The following PIBF1 variants were observed in gnomAD, a reference collection of about 807,000 sequenced individuals.
The protein encoded by PIBF1 is progesterone-induced-blocking factor 1.
In PIBF1, 90 loss-of-function variants were observed where a neutral mutation model predicts 112.5. The ratio of observed to expected loss-of-function variants is 0.80; its 90% CI spans 0.67 to 0.95. PIBF1 has a LOEUF of 0.95. PIBF1 is among the 40% of genes least tolerant of loss of function. The pLI is 0.00. For synonymous variants in PIBF1, 301 were observed against 288.6 expected, an observed-to-expected ratio of 1.04 and a Z score of -0.44; for missense variants, 915 against 852.3, an observed-to-expected ratio of 1.07 and a Z score of -0.92.
At chr13:72,952,845 G>C (rs1009236406) in intron 14 of PIBF1, among the ~76,000 whole-genome samples, 8 of 150,548 alleles carry the variant, frequency 5.3e-5, no homozygotes, top group African/African-American at 2.0e-4. Context: ...GAATGGCAGA[G>C]GTCTCATGAA....
intron 14 of PIBF1, among the ~76,000 whole-genome samples, chr13:72,959,693 C>T (rs1000391323): frequency 3.3e-5 from 5 of 152,238 alleles, no homozygotes; most frequent in Admixed American, 3.3e-4. Flanking sequence ...ATTTTAGATT[C>T]TCATCTAAGT....
At chr13:72,912,667 G>A (rs960701744) in intron 12 of PIBF1, among the ~76,000 whole-genome samples, 2 of 152,134 alleles carry the variant, frequency 1.3e-5, no homozygotes, top group African/African-American at 4.8e-5. Context: ...AATGTTCATA[G>A]GAAATGTATT....
At chr13:72,994,879 TG>T (rs1319567869) in intron 16 of PIBF1, among the ~76,000 whole-genome samples, 3 of 152,212 alleles carry the variant, frequency 2.0e-5, no homozygotes, top group Non-Finnish European at 4.4e-5. Context: ...GTTTGTGAAT[TG>T]GGATCTCATG....
chr13:72,831,382 G>T (rs769468288), intron 8 of PIBF1, among the ~76,000 whole-genome samples: 7 of 152,076 alleles, frequency 4.6e-5, no homozygotes, highest in Non-Finnish European at 8.8e-5. Context: ...GATCTTTCCT[G>T]ACTTCTCTTG....
At chr13:72,988,716 A>G (rs1261579113) in intron 16 of PIBF1, among the ~76,000 whole-genome samples, 2 of 152,170 alleles carry the variant, frequency 1.3e-5, no homozygotes, top group Non-Finnish European at 2.9e-5. Flanking sequence ...TTATCTGTTA[A>G]AAATTCCCAC....
At chr13:72,996,096 G>C (rs920063236) in intron 16 of PIBF1, among the ~76,000 whole-genome samples, 2 of 115,362 alleles carry the variant, frequency 1.7e-5, no homozygotes, top group African/African-American at 6.4e-5. Context: ...GCGGGGGGGG[G>C]GGGTCATAAA....
Position 72,996,266 on chromosome 13 carries a change from A to AT in PIBF1, c.2050-2554dup, listed in dbSNP as rs200223889. ...TCAACTGAAAAAAAACCTTCAATAT[A>AT]TTAAAAAAAAAAAAAAACTGCTCAA... On this transcript the variant is annotated intron_variant, in intron 16 of 17. Coordinates refer to ENST00000326291, the MANE Select transcript of PIBF1 (RefSeq NM_006346.4). Among the ~76,000 whole-genome samples, 1,059 of 139,158 alleles carry AT rather than the reference A, an allele frequency of 7.6e-3. 56 individuals are homozygous for AT. Among genetic ancestry groups the AT allele is most frequent in the East Asian group, 9.2e-3 (47 of 5,130 alleles). The allele number at this position is 139,158 out of a possible 152,430, so 91.3% of individuals were successfully genotyped here.
intron 13 of PIBF1, among the ~76,000 whole-genome samples, chr13:72,925,534 TTCTC>T (rs1201487957): frequency 6.9e-6 from 1 of 144,234 alleles, no homozygotes; most frequent in Admixed American, 7.2e-5. Flanking sequence ...CCTTTTTTCT[TTCTC>T]TCTCTTTTTT....
chr13:72,785,611 A>T (rs1032721635), intron 2 of PIBF1, among the ~76,000 whole-genome samples: 3 of 152,220 alleles, frequency 2.0e-5, no homozygotes, highest in African/African-American at 7.2e-5. Context: ...TACCTAGTCT[A>T]GGTCACTTGG....
At chr13:72,874,513 A>G (rs936845941) in intron 10 of PIBF1, among the ~76,000 whole-genome samples, 8 of 152,218 alleles carry the variant, frequency 5.3e-5, no homozygotes, top group South Asian at 4.1e-4. Flanking sequence ...TTTATGTGAC[A>G]TAATAGAAAA....
intron 2 of PIBF1, among the ~76,000 whole-genome samples, chr13:72,784,653 C>T (rs980931571): frequency 2.0e-5 from 3 of 149,702 alleles, no homozygotes; most frequent in African/African-American, 4.9e-5. Context: ...CAGCTACTTC[C>T]GAGGCTGAGG....
chr13:72,922,596 A>T (rs2041336138), intron 13 of PIBF1, among the ~76,000 whole-genome samples: 1 of 152,234 alleles, frequency 6.6e-6, no homozygotes, highest in African/African-American at 2.4e-5. Context: ...TTGTGAGATT[A>T]CTGCGTACTA....
At chr13:72,790,456 CACACACACTT>C in intron 2 of PIBF1, among the ~76,000 whole-genome samples, 1 of 131,038 alleles carries the variant, frequency 7.6e-6, no homozygotes, top group Non-Finnish European at 1.7e-5. Context: ...CACACACACA[CACACACACTT>C]ATAGATAGAT....
chr13:72,791,203 T>A (rs957489480), intron 2 of PIBF1, among the ~76,000 whole-genome samples: 3 of 151,754 alleles, frequency 2.0e-5, no homozygotes, highest in Admixed American at 1.3e-4. Flanking sequence ...TACAGGCACA[T>A]GCCACCACAC....
chr13:72,876,631 C>G (rs1422799079), intron 10 of PIBF1, among the ~76,000 whole-genome samples: 1 of 152,006 alleles, frequency 6.6e-6, no homozygotes, highest in Non-Finnish European at 1.5e-5. Flanking sequence ...TCATATAGAT[C>G]TTGTACATAT....
At chr13:73,003,895 G>A (rs1441764321) in intron 17 of PIBF1, among the ~76,000 whole-genome samples, 1 of 151,906 alleles carries the variant, frequency 6.6e-6, no homozygotes, top group Non-Finnish European at 1.5e-5. Context: ...ATTTTTTGTA[G>A]AGACAGGGTC....
intron 10 of PIBF1, among the ~76,000 whole-genome samples, chr13:72,883,455 A>G (rs1035475226): frequency 6.6e-6 from 1 of 151,866 alleles, no homozygotes; most frequent in Admixed American, 6.6e-5. Context: ...TTAATTGTAC[A>G]TTTTTTTTAG....
intron 16 of PIBF1, among the ~76,000 whole-genome samples, chr13:72,975,607 A>G (rs888538827): frequency 6.6e-6 from 1 of 152,112 alleles, no homozygotes. Context: ...GATGGGTGAA[A>G]AGGATGAGAA....
intron 10 of PIBF1, among the ~76,000 whole-genome samples, chr13:72,871,089 G>A (rs1036079986): frequency 6.6e-6 from 1 of 152,124 alleles, no homozygotes; most frequent in African/African-American, 2.4e-5. Flanking sequence ...ACTATGGCCT[G>A]AATTGGATGG....
Sources: gnomAD v4.1 joint callset for allele counts (sites outside exome capture counted in the v4.1 genomes callset) on GRCh38, gnomAD v4.1.1 for gene constraint, MANE v1.5 for transcripts, NCBI Gene and HGNC (gene_info 2026-07-23, HGNC 2026-07-21) for gene names.